Variants in RTP2 observed in about 807,000 individuals in gnomAD.
RTP2 encodes receptor transporter protein 2, also known as receptor-transporting protein 2.
RTP2 carries 12 observed loss-of-function variants against 17.9 expected under a neutral mutation model. The ratio of observed to expected loss-of-function variants is 0.67; its 90% CI spans 0.43 to 1.09. The LOEUF (loss-of-function observed/expected upper bound fraction) is 1.09. Ranked by LOEUF, RTP2 falls within the 50% of genes least tolerant of loss-of-function variation. The pLI, the probability that RTP2 is intolerant of heterozygous loss-of-function variation, is 0.00. For missense variants in RTP2, 327 were observed against 295.7 expected (o/e 1.11, Z -0.78); for synonymous variants, 126 against 117.7 (o/e 1.07, Z -0.46).
At chr3:187,709,916 T>G in the RTP2 span, among the ~76,000 whole-genome samples, 2 of 152,074 alleles carry the variant, frequency 1.3e-5, no homozygotes, top group African/African-American at 4.8e-5. Context: ...TGGCAACACA[T>G]GTATGATGAA....
At chr3:187,698,756 G>T in exon 2 of RTP2, 1 of 1,614,000 alleles carries the variant, frequency 6.2e-7, no homozygotes, top group African/African-American at 1.3e-5. Context: ...GGCTGGCCAC[G>T]TGGATGCGGT....
upstream of RTP2, among the ~76,000 whole-genome samples, chr3:187,704,700 T>C (rs1163958358): frequency 6.6e-6 from 1 of 152,216 alleles, no homozygotes; most frequent in Non-Finnish European, 1.5e-5. Context: ...GACGATGCTA[T>C]AGGGCGAATC....
chr3:187,711,463 T>A, the RTP2 span, among the ~76,000 whole-genome samples: 3 of 152,226 alleles, frequency 2.0e-5, no homozygotes. Context: ...TTTAAAAATA[T>A]ATAAACAAGT....
exon 2 of RTP2, chr3:187,698,729 C>T (rs752002445): frequency 2.5e-6 from 4 of 1,613,874 alleles, no homozygotes; most frequent in Admixed American, 1.7e-5. Flanking sequence ...CTGCACGATG[C>T]GGCCCGCTGT....
chr3:187,702,567 G>A (rs887764494), upstream of RTP2: 1 of 457,278 alleles, frequency 2.2e-6, no homozygotes, highest in Admixed American at 2.3e-5. Context: ...GGAAGTCAAG[G>A]AGAAATGAGG....
At chr3:187,701,410 A>AC (rs1717842897) in intron 1 of RTP2, among the ~76,000 whole-genome samples, 2 of 152,158 alleles carry the variant, frequency 1.3e-5, no homozygotes, top group Admixed American at 6.5e-5. Flanking sequence ...TCTAAGACCA[A>AC]CCCCCTCATT....
chr3:187,715,557 C>T, the RTP2 span: 1 of 428,066 alleles, frequency 2.3e-6, no homozygotes, highest in African/African-American at 2.0e-5. Flanking sequence ...CTTGGGGGAG[C>T]TGTGTCCTAG....
chr3:187,713,773 G>A, the RTP2 span, among the ~76,000 whole-genome samples: 1 of 152,134 alleles, frequency 6.6e-6, no homozygotes, highest in African/African-American at 2.4e-5. Context: ...AGGCAGAAAA[G>A]CAGGAGGGGT....
upstream of RTP2, among the ~76,000 whole-genome samples, chr3:187,706,498 T>C (rs1466536311): frequency 1.3e-5 from 2 of 152,120 alleles, no homozygotes; most frequent in Non-Finnish European, 2.9e-5. Context: ...AACAAGAAAA[T>C]GGCCACAACT....
chr3:187,698,357 A>G, exon 2 of RTP2: 2 of 673,244 alleles, frequency 3.0e-6, no homozygotes, highest in South Asian at 2.1e-5. Context: ...CAATCCTCTC[A>G]TTCCGCAGAT....
the RTP2 span, among the ~76,000 whole-genome samples, chr3:187,713,813 T>C: frequency 2.0e-5 from 3 of 152,344 alleles, no homozygotes; most frequent in South Asian, 6.2e-4. Context: ...GGGAGTAGCC[T>C]CGGATCCTTT....
upstream of RTP2, among the ~76,000 whole-genome samples, chr3:187,704,824 C>T (rs533543006): frequency 1.3e-5 from 2 of 152,302 alleles, no homozygotes; most frequent in African/African-American, 2.4e-5. Flanking sequence ...GGGAGCTGAC[C>T]TCTGAATCTC....
chr3:187,712,099 T>C, the RTP2 span, among the ~76,000 whole-genome samples: 7 of 152,150 alleles, frequency 4.6e-5, no homozygotes, highest in South Asian at 1.0e-3. Flanking sequence ...TACAACAAAA[T>C]TGCATAGAAA....
chr3:187,708,129 G>A, the RTP2 span, among the ~76,000 whole-genome samples: 9 of 152,122 alleles, frequency 5.9e-5, no homozygotes, highest in African/African-American at 4.8e-5. Context: ...ACATGTGAAC[G>A]AGAAATAGAT....
chr3:187,699,770 CACACACACACACAT>C (rs879769008), intron 1 of RTP2, among the ~76,000 whole-genome samples: 835 of 61,272 alleles, frequency 0.014, 10 homozygotes, highest in East Asian at 0.025. Flanking sequence ...CACACACACA[CACACACACACACAT>C]ATATTTTCTC....
exon 2 of RTP2, chr3:187,698,929 G>A (rs767187204): frequency 6.2e-6 from 10 of 1,609,662 alleles, no homozygotes; most frequent in Admixed American, 3.3e-5. Flanking sequence ...GAGCCCGCCC[G>A]CTGGGCGCGG....
At chr3:187,708,166 G>A in the RTP2 span, among the ~76,000 whole-genome samples, 1 of 152,162 alleles carries the variant, frequency 6.6e-6, no homozygotes, top group African/African-American at 2.4e-5. Context: ...GTCTCCAGTA[G>A]TACATCAGCA....
chr3:187,712,670 T>C, the RTP2 span, among the ~76,000 whole-genome samples: 1 of 152,082 alleles, frequency 6.6e-6, no homozygotes, highest in African/African-American at 2.4e-5. Context: ...TGCATGTTCG[T>C]CTCCTGGATG....
upstream of RTP2, among the ~76,000 whole-genome samples, chr3:187,704,062 G>A (rs1717929030): frequency 6.6e-6 from 1 of 152,142 alleles, no homozygotes; most frequent in South Asian, 2.1e-4. Context: ...GCTCACAAAT[G>A]TATATTGTGT....
Sources: gnomAD v4.1 joint callset for allele counts (sites outside exome capture counted in the v4.1 genomes callset) on GRCh38, gnomAD v4.1.1 for gene constraint, MANE v1.5 for transcripts, NCBI Gene and HGNC (gene_info 2026-07-23, HGNC 2026-07-21) for gene names.